The following SAMHD1 variants were observed in gnomAD, a reference collection of about 807,000 sequenced individuals.
SAMHD1 encodes SAM and HD domain containing deoxynucleoside triphosphate triphosphohydrolase 1.
Under a neutral mutation model 79.6 loss-of-function variants are expected in SAMHD1, and 54 were observed. The ratio of observed to expected loss-of-function variants is 0.68; its 90% CI spans 0.55 to 0.85. SAMHD1 has a LOEUF of 0.85. Ranked by LOEUF, SAMHD1 falls within the 40% of genes least tolerant of loss-of-function variation. The pLI is 0.00. For missense variants in SAMHD1, 663 were observed against 782.7 expected, an observed-to-expected ratio of 0.85 and a Z score of 1.82; for synonymous variants, 260 against 264.1, an observed-to-expected ratio of 0.98 and a Z score of 0.15.
intron 2 of SAMHD1, among the ~76,000 whole-genome samples, chr20:36,942,984 T>TG (rs1305579531): frequency 3.3e-5 from 5 of 152,070 alleles, no homozygotes; most frequent in Non-Finnish European, 7.4e-5. Flanking sequence ...AAAACCTTTA[T>TG]AAATCAATGG....
At chr20:36,938,641 C>T (rs765621012) in intron 3 of SAMHD1, among the ~76,000 whole-genome samples, 29 of 151,896 alleles carry the variant, frequency 1.9e-4, no homozygotes, top group Non-Finnish European at 4.1e-4. Context: ...TCGAGACCAT[C>T]CTAGCTAACG....
chr20:36,931,539 A>C (rs1389520951), intron 4 of SAMHD1, among the ~76,000 whole-genome samples: 1 of 152,148 alleles, frequency 6.6e-6, no homozygotes, highest in African/African-American at 2.4e-5. Context: ...TGGGAGGCTG[A>C]GGCAGGAGAA....
chr20:36,934,201 A>T (rs572662904), intron 4 of SAMHD1, among the ~76,000 whole-genome samples: 43 of 152,060 alleles, frequency 2.8e-4, no homozygotes, highest in Non-Finnish European at 5.1e-4. Context: ...AATACATAAA[A>T]TAAATAAATT....
At chr20:36,923,622 T>C (rs1445445833) in intron 6 of SAMHD1, among the ~76,000 whole-genome samples, 2 of 152,054 alleles carry the variant, frequency 1.3e-5, no homozygotes, top group Non-Finnish European at 1.5e-5. Context: ...ATGACTTTCA[T>C]GGCAAGCCTA....
chr20:36,924,395 AAG>A (rs200574526), intron 6 of SAMHD1, among the ~76,000 whole-genome samples: 1,935 of 151,984 alleles, frequency 0.013, 15 homozygotes, highest in Admixed American at 0.021. Context: ...GAAAGAGAAA[AAG>A]AGAGACAGAG....
At chr20:36,927,108 A>C in intron 6 of SAMHD1, 74 bp downstream of exon 6, 3 of 1,349,880 alleles carry the variant, frequency 2.2e-6, no homozygotes, top group Non-Finnish European at 3.2e-6. Flanking sequence ...AGTGGAACCA[A>C]ACAGATAAAT....
intron 2 of SAMHD1, 137 bp downstream of exon 2, chr20:36,946,601 G>A: frequency 1.5e-6 from 1 of 671,076 alleles, no homozygotes; most frequent in Non-Finnish European, 2.7e-6. Context: ...AAAACCAGCA[G>A]GCAAGGGATT....
At position 36,892,221 on chromosome 20, in the gene SAMHD1, T is replaced by G. The variant is rs886056644; in HGVS notation, c.*711A>C. On this transcript the variant is annotated 3_prime_UTR_variant, in exon 16 of 16. Coordinates refer to ENST00000646673, the MANE Select transcript of SAMHD1 (RefSeq NM_015474.4). ...AACCTAATCAGGCCTCTCACCAGCG[T>G]GTTGGAGGCCACTCCTGGCCATCAT... is the stretch of plus-strand genomic sequence containing the variant. 1 of 153,420 alleles carries G rather than the reference T, an allele frequency of 6.5e-6. No individual in the cohort carries two copies. Among genetic ancestry groups the G allele is most frequent in the Non-Finnish European group, 1.4e-5 (1 of 69,020 alleles). The allele number at this position is 153,420 out of a possible 1,614,324, so 9.5% of individuals were successfully genotyped here.
intron 6 of SAMHD1, among the ~76,000 whole-genome samples, chr20:36,924,414 G>A (rs2063524724): frequency 6.6e-6 from 1 of 151,724 alleles, no homozygotes; most frequent in Admixed American, 6.6e-5. Flanking sequence ...AGAGACAGAA[G>A]GGAGAGAAAA....
chr20:36,929,677 C>T (rs1006470867), intron 5 of SAMHD1, among the ~76,000 whole-genome samples: 15 of 152,066 alleles, frequency 9.9e-5, no homozygotes, highest in Non-Finnish European at 1.2e-4. Flanking sequence ...GTGCCAACTG[C>T]ACTCCAATCT....
At chr20:36,941,344 C>T (rs889392518) in intron 2 of SAMHD1, among the ~76,000 whole-genome samples, 1 of 152,096 alleles carries the variant, frequency 6.6e-6, no homozygotes, top group Non-Finnish European at 1.5e-5. Context: ...CTGTCCTTGA[C>T]CCTCCTCTCT....
At chr20:36,906,473 A>G (rs1033865576) in intron 11 of SAMHD1, among the ~76,000 whole-genome samples, 1 of 152,174 alleles carries the variant, frequency 6.6e-6, no homozygotes, top group African/African-American at 2.4e-5. Flanking sequence ...GTCCTGAAGT[A>G]TTTACAAGCA....
Position 36,911,312 on chromosome 20 carries a change from T to C in SAMHD1, c.1176A>G (p.Lys392=), listed in dbSNP as rs2063438899. Residue 392 remains lysine (K), a synonymous_variant, in exon 11 of 16, where the codon AAA becomes AAG. Coordinates refer to ENST00000646673, the MANE Select transcript of SAMHD1 (RefSeq NM_015474.4). ...CTGTAATCTCTATGTAGTCATCTGC[T>C]TTGAGGAAAGCATCTGTAATCCTAA... ...IDTMITDAFL[K]ADDYIEITGA... 1 of 1,611,406 alleles carries C rather than the reference T, an allele frequency of 6.2e-7. No individual in the cohort carries two copies. Among genetic ancestry groups the C allele is most frequent in the East Asian group, 2.2e-5 (1 of 44,850 alleles).
rs367709534 is a variant in SAMHD1 at position 36,938,479 on chromosome 20, G to A, written c.348+2560C>T. ...TGCTTGAACCCGGGAGGCGGAGGTTGCAGTGAGCTGAGATCACGCCACTGC... is the reference window on the plus strand; with the variant it reads ...TGCTTGAACCCGGGAGGCGGAGGTTACAGTGAGCTGAGATCACGCCACTGC... On this transcript the variant is annotated intron_variant, in intron 3 of 15. Coordinates refer to ENST00000646673, the MANE Select transcript of SAMHD1 (RefSeq NM_015474.4). Among the ~76,000 whole-genome samples, 400 of 152,136 alleles carry A rather than the reference G, an allele frequency of 2.6e-3. 4 individuals are homozygous for A. Among genetic ancestry groups the A allele is most frequent in the African/African-American group, 9.3e-3 (387 of 41,534 alleles).
chr20:36,950,441 C>A (rs980409714), intron 1 of SAMHD1, among the ~76,000 whole-genome samples: 2 of 152,048 alleles, frequency 1.3e-5, no homozygotes, highest in Non-Finnish European at 2.9e-5. Flanking sequence ...AACAGGGCCC[C>A]ACCTAACAAA....
chr20:36,893,103 A>G, intron 15 of SAMHD1, 37 bp from the exon 16 acceptor site: 1 of 1,608,516 alleles, frequency 6.2e-7, no homozygotes, highest in Non-Finnish European at 8.5e-7. Context: ...CAATAGAGAA[A>G]AGCCAGTTTC....
intron 11 of SAMHD1, among the ~76,000 whole-genome samples, chr20:36,906,395 GCCACTGCACTCCCA>G (rs1000647813): frequency 6.6e-6 from 1 of 152,200 alleles, no homozygotes; most frequent in African/African-American, 2.4e-5. Context: ...CCGAGATGGC[GCCACTGCACTCCCA>G]CCTGGGTGAC....
chr20:36,908,215 G>A lies in SAMHD1; in HGVS notation c.1271-2712C>T, dbSNP rs761496224. Among the ~76,000 whole-genome samples, 78 of 151,838 alleles carry A rather than the reference G, an allele frequency of 5.1e-4. 1 individual carries two copies. Among genetic ancestry groups the A allele is most frequent in the Admixed American group, 3.9e-4 (6 of 15,190 alleles). Reference sequence around the variant, plus strand: ...TTAAAGAACAATGTATATAGTTCTTGTAATTTAATTTTTAAATTTTTTCTC... The same window carrying A: ...TTAAAGAACAATGTATATAGTTCTTATAATTTAATTTTTAAATTTTTTCTC... On this transcript the variant is annotated intron_variant, in intron 11 of 15. Coordinates refer to ENST00000646673, the MANE Select transcript of SAMHD1 (RefSeq NM_015474.4).
At chr20:36,899,257 T>TAAA (rs34443478) in intron 13 of SAMHD1, among the ~76,000 whole-genome samples, 5 of 108,584 alleles carry the variant, frequency 4.6e-5, no homozygotes, top group African/African-American at 1.3e-4. Context: ...CCAAAAATAC[T>TAAA]AAAAAAAAAA....
Sources: allele counts gnomAD v4.1 joint callset (sites outside exome capture counted in the v4.1 genomes callset), GRCh38; gene constraint gnomAD v4.1.1; transcripts MANE v1.5; gene names NCBI Gene and HGNC (gene_info 2026-07-23, HGNC 2026-07-21).